TMEM132C: variants seen among roughly 807,000 people sequenced by gnomAD.
The protein encoded by TMEM132C is transmembrane protein 132C.
In TMEM132C, 29 loss-of-function variants were observed where a neutral mutation model predicts 61.4. The ratio of observed to expected loss-of-function variants is 0.47; its 90% CI spans 0.35 to 0.64. The LOEUF is 0.64. TMEM132C is among the 30% of genes least tolerant of loss of function. The pLI is 0.00. For missense variants in TMEM132C, 1,408 were observed against 1,476.9 expected, an observed-to-expected ratio of 0.95 and a Z score of 0.76; for synonymous variants, 656 against 633.1, an observed-to-expected ratio of 1.04 and a Z score of -0.54.
chr12:128,355,027 TC>T (rs1210197021), intron 1 of TMEM132C, among the ~76,000 whole-genome samples: 5 of 152,180 alleles, frequency 3.3e-5, no homozygotes, highest in Non-Finnish European at 7.4e-5. Context: ...GGGGAAACCA[TC>T]CCGGTTTGGG....
chr12:128,653,199 AATAAAATGTCCAGAATAG>A (rs1020222792), intron 4 of TMEM132C, among the ~76,000 whole-genome samples: 4 of 152,112 alleles, frequency 2.6e-5, no homozygotes, highest in Admixed American at 2.0e-4. Flanking sequence ...ATTCCCTTTA[AATAAAATGTCCAGAATAG>A]GTAAGTCCAT....
chr12:128,385,071 A>G (rs765022540), intron 1 of TMEM132C, among the ~76,000 whole-genome samples: 1 of 152,212 alleles, frequency 6.6e-6, no homozygotes, highest in Admixed American at 6.5e-5. Flanking sequence ...TCGGATGGCA[A>G]CAGCGTGATG....
At chr12:128,456,762 CAT>C (rs1288329895) in intron 2 of TMEM132C, among the ~76,000 whole-genome samples, 3 of 152,118 alleles carry the variant, frequency 2.0e-5, no homozygotes, top group East Asian at 3.9e-4. Flanking sequence ...TCTAAGAAGA[CAT>C]AGAACAATTT....
At chr12:128,531,253 C>T (rs35214677) in intron 2 of TMEM132C, among the ~76,000 whole-genome samples, 39,112 of 151,984 alleles carry the variant, frequency 0.26, 6,031 homozygotes, top group East Asian at 0.4. Flanking sequence ...TTTGATGAGT[C>T]ACTGATAGGG....
chr12:128,578,134 C>T (rs1054007612), intron 3 of TMEM132C, among the ~76,000 whole-genome samples: 1 of 152,206 alleles, frequency 6.6e-6, no homozygotes, highest in African/African-American at 2.4e-5. Context: ...AATTCTTGGC[C>T]TTGGGCCCGC....
chr12:128,492,207 T>C (rs1357069979), intron 2 of TMEM132C, among the ~76,000 whole-genome samples: 1 of 152,202 alleles, frequency 6.6e-6, no homozygotes, highest in Non-Finnish European at 1.5e-5. Flanking sequence ...TGCATAGTAT[T>C]CCATGGTGTA....
At chr12:128,471,131 C>T (rs911304549) in intron 2 of TMEM132C, among the ~76,000 whole-genome samples, 2 of 152,172 alleles carry the variant, frequency 1.3e-5, no homozygotes, top group South Asian at 4.1e-4. Flanking sequence ...CCAGAAGCAT[C>T]CCCGCTTTGA....
chr12:128,278,205 G>T lies in TMEM132C; in HGVS notation c.85+10718G>T, dbSNP rs1276984364. On this transcript the variant is annotated intron_variant, in intron 1 of 8. Transcript: ENST00000435159. The surrounding 1 kb of genome is among the most constrained non-coding windows in gnomAD (Gnocchi z 4.2). ...GGGAAGTCTATGTTTCGGGGCATTT[G>T]TTCTGCTCCGGCTTTGTTCCCTCTT... Among the ~76,000 whole-genome samples, 2 of 152,170 alleles carry T rather than the reference G, an allele frequency of 1.3e-5. No homozygotes were observed. Among genetic ancestry groups the T allele is most frequent in the African/African-American group, 4.8e-5 (2 of 41,448 alleles).
chr12:128,410,104 A>G (rs1868481258), intron 1 of TMEM132C, among the ~76,000 whole-genome samples: 1 of 152,206 alleles, frequency 6.6e-6, no homozygotes, highest in Non-Finnish European at 1.5e-5. Flanking sequence ...AAAATCTCTA[A>G]GGAAGAAATG....
At chr12:128,543,650 AC>A (rs1873842884) in intron 2 of TMEM132C, among the ~76,000 whole-genome samples, 1 of 152,074 alleles carries the variant, frequency 6.6e-6, no homozygotes, top group Non-Finnish European at 1.5e-5. Context: ...GAGGAGACGG[AC>A]CCAGGCAGGC....
At chr12:128,484,365 G>A (rs977752252) in intron 2 of TMEM132C, among the ~76,000 whole-genome samples, 4 of 152,190 alleles carry the variant, frequency 2.6e-5, no homozygotes, top group Non-Finnish European at 4.4e-5. Context: ...TCCAGTGAGA[G>A]GAAGGAGGGT....
rs1389930858 is a variant in TMEM132C, at chr12:128,630,316, A to G, written c.1305+13981A>G. Among the ~76,000 whole-genome samples, 1 of 152,160 alleles carries G rather than the reference A, an allele frequency of 6.6e-6. No homozygotes were observed. The highest frequency in any genetic ancestry group is 1.5e-5 in the Non-Finnish European group (1 of 68,028). On this transcript the variant is annotated intron_variant, in intron 4 of 8. Transcript: ENST00000435159. The surrounding 1 kb of genome is among the most constrained non-coding windows in gnomAD (Gnocchi z 4.3). Reference sequence around the variant, plus strand: ...GGCAGGGGCTGGAGCTTCTGGCCACATCCCACACCACTTAAGCCAAATCAG... The same window carrying G: ...GGCAGGGGCTGGAGCTTCTGGCCACGTCCCACACCACTTAAGCCAAATCAG...
intron 1 of TMEM132C, among the ~76,000 whole-genome samples, chr12:128,393,557 A>G (rs1033896941): frequency 6.6e-6 from 1 of 152,180 alleles, no homozygotes; most frequent in Non-Finnish European, 1.5e-5. Flanking sequence ...ATATTAACAT[A>G]AATATATGTG....
chr12:128,697,019 A>G (rs546652277), intron 7 of TMEM132C, among the ~76,000 whole-genome samples: 1 of 152,286 alleles, frequency 6.6e-6, no homozygotes, highest in Non-Finnish European at 1.5e-5. Context: ...TAACAGGTAG[A>G]ATTAAGGTGT....
intron 2 of TMEM132C, among the ~76,000 whole-genome samples, chr12:128,532,653 A>C (rs1211997759): frequency 2.0e-5 from 3 of 150,692 alleles, no homozygotes; most frequent in Non-Finnish European, 4.4e-5. Flanking sequence ...AAAAAAAAAA[A>C]AAAAAAAAAA....
chr12:128,449,136 CAAAAAA>C (rs141298455), intron 2 of TMEM132C, among the ~76,000 whole-genome samples: 42 of 50,726 alleles, frequency 8.3e-4, no homozygotes, highest in African/African-American at 1.9e-3. Context: ...GACTCTGTCT[CAAAAAA>C]AAAAAAAAAA....
chr12:128,505,753 A>T (rs546919130), intron 2 of TMEM132C, among the ~76,000 whole-genome samples: 4 of 152,190 alleles, frequency 2.6e-5, no homozygotes, highest in Admixed American at 6.5e-5. Context: ...ATGTCAATTG[A>T]GTGATGAACT....
chr12:128,482,863 A>G (rs1463671142), intron 2 of TMEM132C, among the ~76,000 whole-genome samples: 2 of 152,054 alleles, frequency 1.3e-5, no homozygotes. Flanking sequence ...CCCTGCACAG[A>G]GCAAGAGTCC....
At chr12:128,399,330 G>A (rs1875068878) in intron 1 of TMEM132C, among the ~76,000 whole-genome samples, 1 of 152,156 alleles carries the variant, frequency 6.6e-6, no homozygotes, top group African/African-American at 2.4e-5. Context: ...TATGAATTGA[G>A]ATAATTGGGA....
Sources: gnomAD v4.1 joint callset for allele counts (sites outside exome capture counted in the v4.1 genomes callset) on GRCh38, gnomAD v4.1.1 for gene constraint, Gnocchi (gnomAD v3.1) non-coding constraint, MANE v1.5 for transcripts, NCBI Gene and HGNC (gene_info 2026-07-23, HGNC 2026-07-21) for gene names.